The following NAALADL2 variants were observed in gnomAD, a reference collection of about 807,000 sequenced individuals.
The protein encoded by NAALADL2 is N-acetylated alpha-linked acidic dipeptidase like 2.
NAALADL2 carries 76 observed loss-of-function variants against 87.2 expected under a neutral mutation model. The observed-to-expected ratio is 0.87, with a 90% CI of 0.72 to 1.05. The LOEUF (loss-of-function observed/expected upper bound fraction) is 1.05, where lower values mean the gene tolerates loss of function less well. Ranked by LOEUF, NAALADL2 falls within the 50% of genes least tolerant of loss-of-function variation. The pLI is 0.00. For missense variants in NAALADL2, 1,089 were observed against 945.8 expected, an observed-to-expected ratio of 1.15 and a Z score of -1.99; for synonymous variants, 354 against 331.0, an observed-to-expected ratio of 1.07 and a Z score of -0.75.
intron 1 of NAALADL2, among the ~76,000 whole-genome samples, chr3:174,513,199 A>G (rs1315581884): frequency 6.6e-6 from 1 of 151,678 alleles, no homozygotes; most frequent in Non-Finnish European, 1.5e-5. Flanking sequence ...TGATCTCCTG[A>G]TCTACCTGCC....
intron 2 of NAALADL2, among the ~76,000 whole-genome samples, chr3:174,701,301 A>AGTTC (rs1729534450): frequency 2.0e-5 from 3 of 151,786 alleles, no homozygotes; most frequent in Admixed American, 2.0e-4. Context: ...CCTAGCACTG[A>AGTTC]AAATTGTTGA....
chr3:174,881,435 A>G (rs541436223), intron 1 of NAALADL2, among the ~76,000 whole-genome samples: 5 of 152,162 alleles, frequency 3.3e-5, no homozygotes, highest in Admixed American at 3.3e-4. Flanking sequence ...ACCATAATCA[A>G]ATTTACTCAC....
intron 1 of NAALADL2, among the ~76,000 whole-genome samples, chr3:174,494,079 G>C (rs1054651466): frequency 6.6e-6 from 1 of 152,086 alleles, no homozygotes; most frequent in African/African-American, 2.4e-5. Context: ...TCATGGATTG[G>C]GTAGAGTATG....
chr3:175,148,530 A>AGTG (rs1346958396), intron 2 of NAALADL2, among the ~76,000 whole-genome samples: 2 of 152,148 alleles, frequency 1.3e-5, no homozygotes, highest in African/African-American at 4.8e-5. Flanking sequence ...CCAAGTCCAC[A>AGTG]GTGGTGTTTC....
intron 5 of NAALADL2, among the ~76,000 whole-genome samples, chr3:175,372,219 G>A (rs1475548782): frequency 6.6e-6 from 1 of 151,956 alleles, no homozygotes; most frequent in African/African-American, 2.4e-5. Context: ...TTCAGTTTTT[G>A]TAAAGCTCCA....
intron 2 of NAALADL2, among the ~76,000 whole-genome samples, chr3:175,201,867 G>C (rs1181448015): frequency 1.3e-5 from 2 of 151,868 alleles, no homozygotes; most frequent in African/African-American, 4.8e-5. Context: ...AAATTTGGAG[G>C]AGGTAGTGGG....
chr3:175,336,602 C>T (rs768647509), intron 5 of NAALADL2, among the ~76,000 whole-genome samples: 5 of 152,156 alleles, frequency 3.3e-5, no homozygotes, highest in Admixed American at 2.0e-4. Context: ...TGCAGGTGCA[C>T]CTGCTTATGA....
Position 175,552,244 on chromosome 3 carries a change from G to A in NAALADL2, c.1654-23797G>A, listed in dbSNP as rs114106471. On this transcript the variant is annotated intron_variant, in intron 9 of 13. Coordinates refer to ENST00000454872, the MANE Select transcript of NAALADL2 (RefSeq NM_207015.3). ...ATGCAGTCCATTGGGAATACAATGA[G>A]ATAAAATGTTGCTGTTCCTTTATTA... 8.6e-3 allele frequency among the ~76,000 whole-genome samples: 1,311 copies of A among 152,244 alleles called. 24 individuals are homozygous for A. The highest frequency in any genetic ancestry group is 0.03 in the African/African-American group (1,245 of 41,560).
intron 1 of NAALADL2, among the ~76,000 whole-genome samples, chr3:174,966,277 T>C (rs564401468): frequency 7.9e-5 from 12 of 152,322 alleles, no homozygotes; most frequent in Non-Finnish European, 1.6e-4. Context: ...CCTGTCATAA[T>C]ATGGCCATAG....
intron 1 of NAALADL2, among the ~76,000 whole-genome samples, chr3:174,524,957 C>G (rs528342118): frequency 6.6e-6 from 1 of 152,296 alleles, no homozygotes; most frequent in African/African-American, 2.4e-5. Flanking sequence ...TGTACAAACA[C>G]TTAGCATTGC....
chr3:174,827,691 T>G (rs1023083923), intron 3 of NAALADL2, among the ~76,000 whole-genome samples: 50 of 152,344 alleles, frequency 3.3e-4, no homozygotes, highest in Non-Finnish European at 4.3e-4. Flanking sequence ...ATGGACATTT[T>G]AGGAGTCGTT....
rs577845974 is a variant in NAALADL2, at chr3:175,401,143, G to C, written c.1091-46086G>C. Among the ~76,000 whole-genome samples, 59 of 152,188 alleles carry C rather than the reference G, an allele frequency of 3.9e-4. 1 individual carries two copies. Among genetic ancestry groups the C allele is most frequent in the Non-Finnish European group, 2.9e-5 (2 of 67,996 alleles). On this transcript the variant is annotated intron_variant, in intron 5 of 13. Coordinates refer to ENST00000454872, the MANE Select transcript of NAALADL2 (RefSeq NM_207015.3). ...TAGAAGTTATTGATTCCTCAGCCTT[G>C]AGAAGGCCAGGTGGGGTTGAAGATA...
intron 1 of NAALADL2, among the ~76,000 whole-genome samples, chr3:174,492,006 A>G (rs954153380): frequency 8.5e-5 from 13 of 152,196 alleles, no homozygotes; most frequent in Admixed American, 4.6e-4. Context: ...ACGGTGGCTC[A>G]TGCCTGTAAT....
At chr3:174,940,684 A>G (rs905886953) in intron 1 of NAALADL2, among the ~76,000 whole-genome samples, 2 of 151,932 alleles carry the variant, frequency 1.3e-5, no homozygotes, top group African/African-American at 4.8e-5. Context: ...TACTGATTCA[A>G]TTTTGGAGCT....
chr3:175,668,669 TG>T (rs1185925529), intron 11 of NAALADL2, among the ~76,000 whole-genome samples: 2 of 152,178 alleles, frequency 1.3e-5, no homozygotes, highest in African/African-American at 2.4e-5. Flanking sequence ...CTGTCCCCTT[TG>T]CAAAATTAAT....
At chr3:174,701,210 A>G (rs999873812) in intron 2 of NAALADL2, among the ~76,000 whole-genome samples, 5 of 150,990 alleles carry the variant, frequency 3.3e-5, no homozygotes, top group African/African-American at 1.2e-4. Flanking sequence ...TAATATTTCA[A>G]AATAGTATAA....
intron 3 of NAALADL2, among the ~76,000 whole-genome samples, chr3:174,837,179 A>G (rs1189448358): frequency 2.6e-5 from 4 of 152,182 alleles, no homozygotes; most frequent in Non-Finnish European, 5.9e-5. Context: ...AAACAAAAAA[A>G]ATACAAAAGA....
At chr3:175,504,305 G>A (rs936437676) in intron 9 of NAALADL2, among the ~76,000 whole-genome samples, 1 of 152,132 alleles carries the variant, frequency 6.6e-6, no homozygotes, top group African/African-American at 2.4e-5. Flanking sequence ...ATTTCTGGAC[G>A]GTTGGAATTG....
intron 13 of NAALADL2, among the ~76,000 whole-genome samples, chr3:175,769,954 T>G (rs7617763): frequency 0.3 from 44,613 of 151,004 alleles, 7,876 homozygotes; most frequent in African/African-American, 0.5. Flanking sequence ...CTAAGGCAGA[T>G]TTTTTTTTTC....
Sources: allele counts gnomAD v4.1 joint callset (sites outside exome capture counted in the v4.1 genomes callset), GRCh38; gene constraint gnomAD v4.1.1; transcripts MANE v1.5; gene names NCBI Gene and HGNC (gene_info 2026-07-23, HGNC 2026-07-21).